The following THSD7B variants were observed in gnomAD, a reference collection of about 807,000 sequenced individuals.
The protein encoded by THSD7B is thrombospondin type 1 domain containing 7B.
THSD7B carries 138 observed loss-of-function variants against 213.6 expected under a neutral mutation model. That is an observed-to-expected ratio of 0.65 (90% CI 0.56 to 0.74). The LOEUF (loss-of-function observed/expected upper bound fraction) is 0.74. Ranked by LOEUF, THSD7B falls within the 30% of genes least tolerant of loss-of-function variation. The pLI is 0.00. For synonymous variants in THSD7B, 742 were observed against 687.0 expected, an observed-to-expected ratio of 1.08 and a Z score of -1.25; for missense variants, 1,931 against 1,991.5, an observed-to-expected ratio of 0.97 and a Z score of 0.58.
chr2:136,849,976 CT>C (rs1175563499), intron 1 of THSD7B, among the ~76,000 whole-genome samples: 6 of 152,098 alleles, frequency 3.9e-5, no homozygotes, highest in Non-Finnish European at 8.8e-5. Flanking sequence ...CCTTCCACCT[CT>C]GCTGAGTTAA....
intron 15 of THSD7B, among the ~76,000 whole-genome samples, chr2:137,481,552 G>A (rs1426099944): frequency 6.6e-6 from 1 of 152,194 alleles, no homozygotes; most frequent in African/African-American, 2.4e-5. Flanking sequence ...AATAGAAAAA[G>A]TTTAGGCTTT....
At chr2:137,395,145 A>T (rs1050440706) in intron 12 of THSD7B, among the ~76,000 whole-genome samples, 3 of 144,262 alleles carry the variant, frequency 2.1e-5, no homozygotes, top group African/African-American at 7.7e-5. Context: ...CTAATTGAAT[A>T]CCCTTTATTT....
chr2:137,638,324 C>T (rs1347411072), intron 20 of THSD7B, among the ~76,000 whole-genome samples: 1 of 152,142 alleles, frequency 6.6e-6, no homozygotes, highest in Non-Finnish European at 1.5e-5. Context: ...GAATAAGTCT[C>T]ATGAGATATG....
intron 15 of THSD7B, among the ~76,000 whole-genome samples, chr2:137,491,896 G>A (rs1679415783): frequency 6.6e-6 from 1 of 152,104 alleles, no homozygotes; most frequent in East Asian, 1.9e-4. Flanking sequence ...TATTCGATAT[G>A]TCATGATTTT....
intron 14 of THSD7B, among the ~76,000 whole-genome samples, chr2:137,416,266 G>A (rs529694787): frequency 2.0e-4 from 31 of 152,266 alleles, no homozygotes; most frequent in African/African-American, 6.3e-4. Flanking sequence ...CCATGGGCCT[G>A]CTTGCAGTCT....
intron 2 of THSD7B, among the ~76,000 whole-genome samples, chr2:137,000,406 T>C (rs1685980137): frequency 6.6e-6 from 1 of 152,132 alleles, no homozygotes; most frequent in African/African-American, 2.4e-5. Context: ...CATTTAAAGG[T>C]GACATATTTT....
At chr2:136,882,570 A>G (rs1177500764) in intron 2 of THSD7B, among the ~76,000 whole-genome samples, 1 of 152,172 alleles carries the variant, frequency 6.6e-6, no homozygotes, top group Admixed American at 6.6e-5. Flanking sequence ...AGTTACATCT[A>G]CTTCTCCTTT....
chr2:137,616,154 T>A, intron 17 of THSD7B, 21 bp from the exon 18 acceptor site: 1 of 1,607,630 alleles, frequency 6.2e-7, no homozygotes, highest in East Asian at 2.2e-5. Context: ...CAGTCAACTT[T>A]TCCTACTCTG....
chr2:137,312,175 A>C (rs1392134010), intron 12 of THSD7B, among the ~76,000 whole-genome samples: 1 of 152,150 alleles, frequency 6.6e-6, no homozygotes, highest in Admixed American at 6.5e-5. Context: ...TTATTGCCAC[A>C]ATTTCAGCTC....
At chr2:137,433,553 C>T (rs1224114112) in intron 14 of THSD7B, among the ~76,000 whole-genome samples, 1 of 151,936 alleles carries the variant, frequency 6.6e-6, no homozygotes, top group Non-Finnish European at 1.5e-5. Context: ...AGGGTTTCTT[C>T]ATGTTGGCCA....
At chr2:136,867,288 C>T (rs1346297504) in intron 1 of THSD7B, among the ~76,000 whole-genome samples, 2 of 152,172 alleles carry the variant, frequency 1.3e-5, no homozygotes, top group Non-Finnish European at 2.9e-5. Flanking sequence ...ACCATTAATT[C>T]AGTGGACATT....
intron 17 of THSD7B, among the ~76,000 whole-genome samples, chr2:137,604,623 A>G (rs1682137774): frequency 6.6e-6 from 1 of 151,836 alleles, no homozygotes; most frequent in Non-Finnish European, 1.5e-5. Flanking sequence ...ATGGAAACTC[A>G]CAGTGTCAGT....
At chr2:136,791,425 T>A (rs1681962175) in intron 1 of THSD7B, among the ~76,000 whole-genome samples, 1 of 151,910 alleles carries the variant, frequency 6.6e-6, no homozygotes, top group African/African-American at 2.4e-5. Context: ...ACAATGGTGT[T>A]TAGTATATAT....
At chr2:137,003,992 A>G (rs950759848) in intron 2 of THSD7B, among the ~76,000 whole-genome samples, 3 of 152,196 alleles carry the variant, frequency 2.0e-5, no homozygotes, top group Non-Finnish European at 4.4e-5. Flanking sequence ...ATTGATGCCT[A>G]AGAAGTGCCC....
chr2:136,799,096 A>G (rs1338080046), intron 1 of THSD7B, among the ~76,000 whole-genome samples: 1 of 151,984 alleles, frequency 6.6e-6, no homozygotes. Context: ...ATTCTCCTTT[A>G]CTAACCAGCA....
chr2:136,877,832 G>T (rs966299956), intron 1 of THSD7B, among the ~76,000 whole-genome samples: 4 of 151,678 alleles, frequency 2.6e-5, no homozygotes, highest in African/African-American at 9.7e-5. Context: ...TTTCCTGGGG[G>T]GAAAAAAAAG....
chr2:136,921,506 T>C (rs2105035052), intron 2 of THSD7B, among the ~76,000 whole-genome samples: 1 of 152,042 alleles, frequency 6.6e-6, no homozygotes, highest in Admixed American at 6.5e-5. Flanking sequence ...ATGTAAGATG[T>C]GCTAAGCTAA....
At chr2:137,352,839 A>T (rs1325616842) in intron 12 of THSD7B, among the ~76,000 whole-genome samples, 1 of 152,058 alleles carries the variant, frequency 6.6e-6, no homozygotes, top group South Asian at 2.1e-4. Flanking sequence ...TTCTATCTTT[A>T]AAATAAATTC....
At chr2:137,187,803 T>C (rs1256127218) in intron 7 of THSD7B, among the ~76,000 whole-genome samples, 1 of 152,318 alleles carries the variant, frequency 6.6e-6, no homozygotes, top group East Asian at 1.9e-4. Context: ...CTGTATATAG[T>C]ATATAATGTA....
Sources: gnomAD v4.1 joint callset for allele counts (sites outside exome capture counted in the v4.1 genomes callset) on GRCh38, gnomAD v4.1.1 for gene constraint, MANE v1.5 for transcripts, NCBI Gene and HGNC (gene_info 2026-07-23, HGNC 2026-07-21) for gene names.